The following COL4A6 variants were observed in gnomAD, a reference collection of about 807,000 sequenced individuals.
The protein encoded by COL4A6 is collagen alpha-6(IV) chain.
COL4A6 carries 59 observed loss-of-function variants against 126.7 expected under a neutral mutation model. That is an observed-to-expected ratio of 0.47 (90% CI 0.38 to 0.58). The LOEUF is 0.58. Among genes scored for constraint, COL4A6 ranks in the 20% least tolerant of loss-of-function variants. The pLI, the probability that COL4A6 is intolerant of heterozygous loss-of-function variation, is 0.00. For missense variants in COL4A6, 1,285 were observed against 1,337.3 expected (o/e 0.96, Z 0.61); for synonymous variants, 547 against 496.6 (o/e 1.10, Z -1.35).
Position 108,164,544 on chromosome X carries a change from A to G in COL4A6, c.4069+56T>C, listed in dbSNP as rs777045985. The G allele has an allele frequency of 6.5e-6, 7 of 1,079,285 alleles. No individual in the cohort carries two copies. The East Asian group carries it at 2.1e-4, about 33-fold the overall frequency. 88.9% of individuals were successfully genotyped at this position (1,079,285 alleles called of 1,213,427 possible). A position where few individuals can be genotyped will look rare whatever the true frequency, so the allele number is the denominator to read the frequency against. On this transcript the variant is annotated intron_variant, in intron 40 of 44. Coordinates refer to ENST00000334504, the MANE Select transcript of COL4A6 (RefSeq NM_033641.4). The stretch of plus-strand genomic sequence containing the variant: ...GAGCAATGATGCCTGAAGGAACCTT[A>G]CCACCAGGCCCCTCCCTCGAGCTCT...
chrX:108,163,086 G>C (rs2034014231), intron 40 of COL4A6, 48 bp from the exon 41 acceptor site: 1 of 1,145,910 alleles, frequency 8.7e-7, no homozygotes, highest in Non-Finnish European at 1.2e-6. Context: ...GGCAGAGGGA[G>C]GTGACGGGGG....
intron 3 of COL4A6, among the ~76,000 whole-genome samples, chrX:108,279,305 A>C (rs943350284): frequency 9.0e-6 from 1 of 111,216 alleles, no homozygotes; most frequent in African/African-American, 3.3e-5. Flanking sequence ...AAGATCTACC[A>C]AGCCAATGGA....
chrX:108,282,851 C>A (rs939335530), intron 3 of COL4A6, among the ~76,000 whole-genome samples: 2 of 109,100 alleles, frequency 1.8e-5, no homozygotes, highest in African/African-American at 6.7e-5. Flanking sequence ...TTTGTAGGGA[C>A]ATGGATGAAA....
At chrX:108,376,331 A>T (rs2040432508) in intron 2 of COL4A6, among the ~76,000 whole-genome samples, 2 of 111,242 alleles carry the variant, frequency 1.8e-5, no homozygotes, top group Non-Finnish European at 3.8e-5. Context: ...GTGGCAGGTC[A>T]CACCTGTAAT....
At position 108,180,971 on chromosome X, in the gene COL4A6, G is replaced by A; in HGVS notation, c.1952-3C>T. The A allele has an allele frequency of 8.3e-7, 1 of 1,202,904 alleles. No homozygotes were observed. Among genetic ancestry groups the A allele is most frequent in the South Asian group, 1.8e-5 (1 of 56,401 alleles). Reference sequence around the variant, plus strand: ...AATAATACAGGGCAGGGTGATTCCTGTAAATGGTAACATGTGTGCATTCAG... The same window carrying A: ...AATAATACAGGGCAGGGTGATTCCTATAAATGGTAACATGTGTGCATTCAG... On this transcript the variant is annotated splice_region_variant and splice_polypyrimidine_tract_variant and intron_variant, in intron 23 of 44. Coordinates refer to ENST00000334504, the MANE Select transcript of COL4A6 (RefSeq NM_033641.4).
intron 9 of COL4A6, among the ~76,000 whole-genome samples, chrX:108,206,076 T>C (rs1227748246): frequency 1.8e-5 from 2 of 111,729 alleles, no homozygotes; most frequent in Non-Finnish European, 3.8e-5. Context: ...CTACCAGTGA[T>C]GATAAACAGG....
intron 6 of COL4A6, among the ~76,000 whole-genome samples, chrX:108,212,118 G>A (rs2035722771): frequency 9.0e-6 from 1 of 111,528 alleles, no homozygotes; most frequent in African/African-American, 3.3e-5. Context: ...GTCTAGGACA[G>A]AGGTTAGTAA....
At chrX:108,185,844 C>T (rs1283365463) in intron 23 of COL4A6, among the ~76,000 whole-genome samples, 2 of 111,698 alleles carry the variant, frequency 1.8e-5, no homozygotes, top group Non-Finnish European at 3.8e-5. Flanking sequence ...CTGTGGAGGT[C>T]AAGGGAAAGC....
intron 3 of COL4A6, among the ~76,000 whole-genome samples, chrX:108,248,248 T>C (rs2036764179): frequency 8.9e-6 from 1 of 111,914 alleles, no homozygotes; most frequent in East Asian, 2.8e-4. Context: ...TATACATATA[T>C]TGAGGGTGTG....
chrX:108,322,646 C>T (rs184065130), intron 2 of COL4A6, among the ~76,000 whole-genome samples: 2 of 111,752 alleles, frequency 1.8e-5, no homozygotes, highest in Non-Finnish European at 3.8e-5. Flanking sequence ...AAATGTTGCC[C>T]GTAATGTTCT....
intron 2 of COL4A6, among the ~76,000 whole-genome samples, chrX:108,371,729 C>G (rs1183548615): frequency 9.2e-6 from 1 of 108,654 alleles, no homozygotes; most frequent in African/African-American, 3.4e-5. Context: ...TGCACTCCAG[C>G]TTGGGTGACA....
At chrX:108,373,911 T>C (rs927259518) in intron 2 of COL4A6, among the ~76,000 whole-genome samples, 2 of 112,506 alleles carry the variant, frequency 1.8e-5, no homozygotes, top group African/African-American at 6.5e-5. Context: ...TTAGTAAACA[T>C]TGGTTAAATT....
intron 13 of COL4A6, among the ~76,000 whole-genome samples, chrX:108,200,611 G>C (rs371164286): frequency 1.8e-5 from 2 of 111,620 alleles, no homozygotes; most frequent in Non-Finnish European, 3.8e-5. Context: ...AGTGTGGGGT[G>C]GGGGGAGAGA....
At chrX:108,222,923 G>A (rs1388541986) in intron 3 of COL4A6, among the ~76,000 whole-genome samples, 1 of 111,898 alleles carries the variant, frequency 8.9e-6, no homozygotes, top group East Asian at 2.8e-4. Context: ...TATAAAAAGA[G>A]CAGTACTTAA....
At chrX:108,419,800 A>G (rs759241877) in intron 2 of COL4A6, among the ~76,000 whole-genome samples, 5 of 112,138 alleles carry the variant, frequency 4.5e-5, no homozygotes, top group South Asian at 3.7e-4. Flanking sequence ...TTATTGAAAC[A>G]AAATTGTTCT....
intron 2 of COL4A6, among the ~76,000 whole-genome samples, chrX:108,331,060 T>A (rs1350653335): frequency 8.9e-6 from 1 of 111,743 alleles, no homozygotes; most frequent in African/African-American, 3.3e-5. Flanking sequence ...CCGGATGCTT[T>A]TCTTGTGGCT....
intron 2 of COL4A6, among the ~76,000 whole-genome samples, chrX:108,377,292 T>C (rs2040457537): frequency 8.9e-6 from 1 of 112,095 alleles, no homozygotes; most frequent in African/African-American, 3.2e-5. Context: ...AGATGGAATA[T>C]ACAATTGGGC....
chrX:108,403,233 GCTCTCTCT>G (rs59212608), intron 2 of COL4A6, among the ~76,000 whole-genome samples: 1,423 of 62,314 alleles, frequency 0.023, 26 homozygotes, highest in African/African-American at 0.052. Context: ...GCAAAGATTA[GCTCTCTCT>G]CTCTCTCTCT....
At chrX:108,275,469 C>T (rs2037576782) in intron 3 of COL4A6, among the ~76,000 whole-genome samples, 1 of 112,398 alleles carries the variant, frequency 8.9e-6, no homozygotes, top group Non-Finnish European at 1.9e-5. Flanking sequence ...TCCCACAAAG[C>T]CCATTGCTCT....
Sources: gnomAD v4.1 joint callset for allele counts (sites outside exome capture counted in the v4.1 genomes callset) on GRCh38, gnomAD v4.1.1 for gene constraint, MANE v1.5 for transcripts, NCBI Gene and HGNC (gene_info 2026-07-23, HGNC 2026-07-21) for gene names.